CCDC178: variants seen among roughly 807,000 people sequenced by gnomAD.
CCDC178 encodes coiled-coil domain containing 178.
CCDC178 carries 126 observed loss-of-function variants against 117.4 expected under a neutral mutation model. That is an observed-to-expected ratio of 1.07 (90% CI 0.93 to 1.24). The LOEUF (loss-of-function observed/expected upper bound fraction) is 1.24, where lower values mean the gene tolerates loss of function less well. CCDC178 is among the 50% of genes most tolerant of loss of function. The pLI is 0.00. For synonymous variants in CCDC178, 283 were observed against 313.4 expected (o/e 0.90, Z 1.02); for missense variants, 1,030 against 986.9 (o/e 1.04, Z -0.59).
intron 11 of CCDC178, among the ~76,000 whole-genome samples, chr18:33,312,795 C>T (rs1235276244): frequency 6.6e-6 from 1 of 152,190 alleles, no homozygotes; most frequent in Non-Finnish European, 1.5e-5. Flanking sequence ...ACAGGTAATG[C>T]TTATTGGTAA....
At chr18:33,293,358 A>G in intron 11 of CCDC178, 46 bp from the exon 12 acceptor site, 3 of 1,219,150 alleles carry the variant, frequency 2.5e-6, no homozygotes, top group South Asian at 3.0e-5. Context: ...AAAAGAAAAA[A>G]TATATTTTAA....
chr18:33,355,918 C>T (rs1568171986), intron 7 of CCDC178, among the ~76,000 whole-genome samples: 1 of 152,202 alleles, frequency 6.6e-6, no homozygotes, highest in Non-Finnish European at 1.5e-5. Flanking sequence ...ACACTGCTCT[C>T]TTCATAGCTG....
At chr18:32,951,946 C>T (rs764766077) in intron 22 of CCDC178, among the ~76,000 whole-genome samples, 2 of 152,196 alleles carry the variant, frequency 1.3e-5, no homozygotes, top group Non-Finnish European at 2.9e-5. Flanking sequence ...GTCATTAAAC[C>T]TTAAAGTTTC....
chr18:32,953,541 CAAT>C (rs1314391542), intron 22 of CCDC178, among the ~76,000 whole-genome samples: 1 of 151,982 alleles, frequency 6.6e-6, no homozygotes, highest in African/African-American at 2.4e-5. Flanking sequence ...CTGAAGGTTC[CAAT>C]AATAATAATA....
At chr18:33,322,334 C>A (rs138509903) in intron 11 of CCDC178, among the ~76,000 whole-genome samples, 1 of 151,798 alleles carries the variant, frequency 6.6e-6, no homozygotes, top group South Asian at 2.1e-4. Context: ...TGAATGAACA[C>A]CTGGATAATG....
intron 11 of CCDC178, among the ~76,000 whole-genome samples, chr18:33,306,467 T>C (rs1401998300): frequency 1.4e-4 from 20 of 145,494 alleles, no homozygotes; most frequent in African/African-American, 4.3e-4. Flanking sequence ...GTTATATATA[T>C]ATATGGTTAT....
chr18:33,173,274 T>G (rs1173269983), intron 20 of CCDC178, among the ~76,000 whole-genome samples: 2 of 152,172 alleles, frequency 1.3e-5, no homozygotes, highest in African/African-American at 4.8e-5. Flanking sequence ...AGTTTCAAAC[T>G]CCGGAGCTCA....
At chr18:33,083,254 G>C (rs906490365) in intron 21 of CCDC178, among the ~76,000 whole-genome samples, 1 of 152,138 alleles carries the variant, frequency 6.6e-6, no homozygotes, top group Admixed American at 6.5e-5. Flanking sequence ...TTCAAACCCA[G>C]GCAGTCTGGC....
chr18:33,331,880 T>C (rs1202034495), intron 10 of CCDC178, among the ~76,000 whole-genome samples: 1 of 152,148 alleles, frequency 6.6e-6, no homozygotes, highest in Non-Finnish European at 1.5e-5. Flanking sequence ...ATAACCCCAC[T>C]AGGAAAAATT....
At chr18:33,151,226 C>T (rs1156531092) in intron 20 of CCDC178, among the ~76,000 whole-genome samples, 2 of 151,752 alleles carry the variant, frequency 1.3e-5, no homozygotes, top group East Asian at 3.9e-4. Context: ...CACCTGTACC[C>T]CATAAACTAT....
intron 11 of CCDC178, among the ~76,000 whole-genome samples, chr18:33,321,876 AT>A (rs778865160): frequency 6.6e-6 from 1 of 151,956 alleles, no homozygotes; most frequent in Non-Finnish European, 1.5e-5. Flanking sequence ...TGAAAAAAAA[AT>A]GTGTCTACAT....
intron 20 of CCDC178, among the ~76,000 whole-genome samples, chr18:33,177,695 G>C (rs1416403994): frequency 1.3e-5 from 2 of 151,988 alleles, no homozygotes; most frequent in African/African-American, 2.4e-5. Flanking sequence ...TAATGAATTT[G>C]TCTACCTTTC....
chr18:33,049,986 C>T (rs2056717354), intron 21 of CCDC178, among the ~76,000 whole-genome samples: 1 of 152,054 alleles, frequency 6.6e-6, no homozygotes, highest in Non-Finnish European at 1.5e-5. Flanking sequence ...GAGGCTGAGG[C>T]AGGAGAATCG....
intron 11 of CCDC178, among the ~76,000 whole-genome samples, chr18:33,315,478 C>T (rs541023236): frequency 1.3e-5 from 2 of 152,296 alleles, no homozygotes; most frequent in African/African-American, 2.4e-5. Flanking sequence ...CTTTAGCTAC[C>T]ATCCTACTTA....
chr18:33,072,868 A>G (rs958133114), intron 21 of CCDC178, among the ~76,000 whole-genome samples: 5 of 152,170 alleles, frequency 3.3e-5, no homozygotes, highest in Non-Finnish European at 7.4e-5. Context: ...TGGCCTCTCG[A>G]ACTGCTGGGA....
At chr18:33,036,225 T>G (rs2056441474) in intron 21 of CCDC178, among the ~76,000 whole-genome samples, 1 of 151,936 alleles carries the variant, frequency 6.6e-6, no homozygotes, top group Non-Finnish European at 1.5e-5. Flanking sequence ...ATGTAGTATC[T>G]ATAAATTCAT....
At chr18:33,272,180 A>T (rs539857693) in intron 12 of CCDC178, among the ~76,000 whole-genome samples, 7 of 151,602 alleles carry the variant, frequency 4.6e-5, no homozygotes, top group African/African-American at 1.7e-4. Context: ...ACTAACCAAG[A>T]AAAAAGAAGA....
chr18:33,207,904 C>A (rs1457466379), intron 20 of CCDC178, among the ~76,000 whole-genome samples: 1 of 151,910 alleles, frequency 6.6e-6, no homozygotes, highest in Non-Finnish European at 1.5e-5. Context: ...TTAGGAATCA[C>A]CCATATCCAC....
At chr18:33,034,218 C>A (rs2056400212) in intron 21 of CCDC178, among the ~76,000 whole-genome samples, 1 of 151,936 alleles carries the variant, frequency 6.6e-6, no homozygotes, top group Non-Finnish European at 1.5e-5. Flanking sequence ...CTTACAGACA[C>A]CTTCTGCATT....
Sources: allele counts gnomAD v4.1 joint callset (sites outside exome capture counted in the v4.1 genomes callset), GRCh38; gene constraint gnomAD v4.1.1; transcripts MANE v1.5; gene names NCBI Gene and HGNC (gene_info 2026-07-23, HGNC 2026-07-21).